MILR1: variants seen among roughly 807,000 people sequenced by gnomAD.
MILR1 encodes the protein mast cell immunoglobulin like receptor 1, also known as allergin-1.
Under a neutral mutation model 18.5 loss-of-function variants are expected in MILR1, and 31 were observed. The observed-to-expected ratio is 1.68, with a 90% CI of 1.26 to 2.26. The LOEUF (loss-of-function observed/expected upper bound fraction) is 2.26. MILR1 is among the 30% of genes most tolerant of loss of function. The probability of loss-of-function intolerance (pLI) is 0.00; values close to 1 mark genes in which losing one functional copy is unlikely to be tolerated. For missense variants in MILR1, 257 were observed against 157.4 expected (o/e 1.63, Z -3.38); for synonymous variants, 85 against 56.2 (o/e 1.51, Z -2.30).
chr17:64,488,846 TAGTCCTAGCTACTCAG>T, the MILR1 span, among the ~76,000 whole-genome samples: 1 of 152,116 alleles, frequency 6.6e-6, no homozygotes, highest in Non-Finnish European at 1.5e-5. Context: ...CGCACACCTA[TAGTCCTAGCTACTCAG>T]GAGGCTGAGG....
the MILR1 span, among the ~76,000 whole-genome samples, chr17:64,489,210 T>C: frequency 6.6e-6 from 1 of 150,828 alleles, no homozygotes; most frequent in Non-Finnish European, 1.5e-5. Flanking sequence ...AATTTGACCA[T>C]CAAAATAAAT....
the MILR1 span, chr17:64,496,963 G>A: frequency 6.2e-7 from 1 of 1,605,206 alleles, no homozygotes; most frequent in Middle Eastern, 1.6e-4. Flanking sequence ...CTACACGAGA[G>A]CGCATCTCTC....
chr17:64,488,862 G>C, the MILR1 span, among the ~76,000 whole-genome samples: 1 of 152,062 alleles, frequency 6.6e-6, no homozygotes, highest in Non-Finnish European at 1.5e-5. Flanking sequence ...TAGCTACTCA[G>C]GAGGCTGAGG....
intron 5 of MILR1, among the ~76,000 whole-genome samples, chr17:64,462,410 G>A (rs1380156192): frequency 1.3e-5 from 2 of 152,142 alleles, no homozygotes; most frequent in Non-Finnish European, 1.5e-5. Context: ...CAAGTGGTGC[G>A]GCTGCTCCTG....
intron 3 of MILR1, 109 bp from the exon 4 acceptor site, chr17:64,457,291 C>G: frequency 1.2e-5 from 5 of 406,806 alleles, no homozygotes. Context: ...GGGGGTCGTT[C>G]ATCTTGGTTC....
the MILR1 span, among the ~76,000 whole-genome samples, chr17:64,474,927 C>T: frequency 1.3e-5 from 2 of 152,104 alleles, no homozygotes; most frequent in Admixed American, 1.3e-4. Flanking sequence ...GGCACAGTGG[C>T]TCACACTTGT....
At chr17:64,495,047 C>G in the MILR1 span, among the ~76,000 whole-genome samples, 1 of 151,972 alleles carries the variant, frequency 6.6e-6, no homozygotes. Flanking sequence ...GTGGCAAGTG[C>G]CTGTAGTCTA....
chr17:64,488,827 G>A, the MILR1 span, among the ~76,000 whole-genome samples: 1 of 152,006 alleles, frequency 6.6e-6, no homozygotes, highest in Non-Finnish European at 1.5e-5. Context: ...AATTAACCGG[G>A]CGTGGTGGCG....
At chr17:64,470,716 T>C (rs970714356), downstream of MILR1, among the ~76,000 whole-genome samples, 11 of 152,288 alleles carry the variant, frequency 7.2e-5, no homozygotes, top group Admixed American at 2.6e-4. Context: ...GATCCTGGAA[T>C]TGGCTTTCAG....
At chr17:64,494,153 T>A in the MILR1 span, among the ~76,000 whole-genome samples, 1 of 152,218 alleles carries the variant, frequency 6.6e-6, no homozygotes, top group East Asian at 1.9e-4. Flanking sequence ...CCTTTCCCCC[T>A]TAATTTTGCT....
At chr17:64,481,268 A>G in the MILR1 span, 3 of 985,114 alleles carry the variant, frequency 3.0e-6, no homozygotes, top group East Asian at 3.4e-4. Context: ...TGTGGGACAT[A>G]CGCCATTATC....
the MILR1 span, chr17:64,497,040 A>C: frequency 1.4e-6 from 2 of 1,460,186 alleles, no homozygotes; most frequent in South Asian, 1.1e-5. Context: ...TACCGTTAAC[A>C]GAATCCGGAG....
the MILR1 span, chr17:64,485,870 T>G: frequency 6.2e-7 from 1 of 1,614,026 alleles, no homozygotes; most frequent in Non-Finnish European, 8.5e-7. Flanking sequence ...ATCTCGGCCC[T>G]TCACAGAAAA....
downstream of MILR1, among the ~76,000 whole-genome samples, chr17:64,469,679 G>C (rs144281380): frequency 3.9e-3 from 593 of 152,058 alleles, 7 homozygotes; most frequent in African/African-American, 0.014. Context: ...GATTACAGGC[G>C]TGAGCCACCT....
At chr17:64,478,811 C>T in the MILR1 span, among the ~76,000 whole-genome samples, 1 of 152,046 alleles carries the variant, frequency 6.6e-6, no homozygotes, top group South Asian at 2.1e-4. Flanking sequence ...GCAGGAGAAT[C>T]GCTTGAACAC....
the MILR1 span, chr17:64,492,901 A>G: frequency 6.2e-7 from 1 of 1,614,126 alleles, no homozygotes; most frequent in South Asian, 1.1e-5. Context: ...ATACCTTTTA[A>G]CACCATTTCG....
chr17:64,472,183 C>T (rs1315235817), downstream of MILR1, among the ~76,000 whole-genome samples: 1 of 151,696 alleles, frequency 6.6e-6, no homozygotes, highest in East Asian at 1.9e-4. Flanking sequence ...TAAACTAAAT[C>T]CAAAGAATAA....
At chr17:64,457,254 G>C in intron 3 of MILR1, 146 bp from the exon 4 acceptor site, 1 of 398,032 alleles carries the variant, frequency 2.5e-6, no homozygotes, top group Non-Finnish European at 4.4e-6. Context: ...TTCCCAGTGG[G>C]CCGTGAGCTT....
chr17:64,468,009 G>A, intron 9 of MILR1: 1 of 306,450 alleles, frequency 3.3e-6, no homozygotes, highest in South Asian at 2.6e-5. Flanking sequence ...TCCAGATTTA[G>A]CTAATGCCAA....
Sources: allele counts gnomAD v4.1 joint callset (sites outside exome capture counted in the v4.1 genomes callset), GRCh38; gene constraint gnomAD v4.1.1; transcripts MANE v1.5; gene names NCBI Gene and HGNC (gene_info 2026-07-23, HGNC 2026-07-21).